GPC3: variants seen among roughly 807,000 people sequenced by gnomAD.
GPC3 encodes the protein glypican-3.
In GPC3, 3 loss-of-function variants were observed where a neutral mutation model predicts 34.4. The observed-to-expected ratio is 0.09, with a 90% confidence interval of 0.04 to 0.23. The LOEUF (loss-of-function observed/expected upper bound fraction) is 0.23, where lower values mean the gene tolerates loss of function less well. GPC3 is among the 10% of genes least tolerant of loss of function. The pLI, the probability that GPC3 is intolerant of heterozygous loss-of-function variation, is 1.00. For missense variants in GPC3, 351 were observed against 445.6 expected, an observed-to-expected ratio of 0.79 and a Z score of 1.91; for synonymous variants, 177 against 174.0, an observed-to-expected ratio of 1.02 and a Z score of -0.13.
At chrX:133,935,552 AT>A (rs1477755383) in intron 2 of GPC3, among the ~76,000 whole-genome samples, 2 of 111,448 alleles carry the variant, frequency 1.8e-5, no homozygotes, top group African/African-American at 6.5e-5. Context: ...AGCAAGATGA[AT>A]TATTTCCCTT....
chrX:133,618,042 T>C (rs1208122312), intron 6 of GPC3, among the ~76,000 whole-genome samples: 1 of 112,283 alleles, frequency 8.9e-6, no homozygotes, highest in Non-Finnish European at 1.9e-5. Context: ...TTTTCAGTAG[T>C]GCCACATAAT....
intron 2 of GPC3, among the ~76,000 whole-genome samples, chrX:133,941,284 C>G (rs2076344178): frequency 8.9e-6 from 1 of 112,626 alleles, no homozygotes; most frequent in South Asian, 3.7e-4. Context: ...CCAGGCAGAG[C>G]CTGGTGGCAG....
intron 2 of GPC3, among the ~76,000 whole-genome samples, chrX:133,786,786 G>T (rs181074576): frequency 9.0e-6 from 1 of 110,915 alleles, no homozygotes; most frequent in Non-Finnish European, 1.9e-5. Context: ...ATAAAATTCT[G>T]ATCTACTCAC....
chrX:133,821,475 T>C (rs1234315185), intron 2 of GPC3, among the ~76,000 whole-genome samples: 1 of 112,135 alleles, frequency 8.9e-6, no homozygotes, highest in Non-Finnish European at 1.9e-5. Context: ...TTCAAACTGT[T>C]GAAATATTTA....
At chrX:133,951,690 A>G (rs758139965) in intron 2 of GPC3, among the ~76,000 whole-genome samples, 1 of 112,172 alleles carries the variant, frequency 8.9e-6, no homozygotes, top group African/African-American at 3.2e-5. Flanking sequence ...TAGTCTCAAC[A>G]AACTCTTCAC....
At chrX:133,863,001 A>G (rs1306013591) in intron 2 of GPC3, among the ~76,000 whole-genome samples, 1 of 113,022 alleles carries the variant, frequency 8.8e-6, no homozygotes, top group Non-Finnish European at 1.9e-5. Flanking sequence ...CAGCACTGGG[A>G]AGGCCAAGAG....
chrX:133,584,854 T>C (rs2069770281), intron 7 of GPC3, among the ~76,000 whole-genome samples: 1 of 108,520 alleles, frequency 9.2e-6, no homozygotes, highest in African/African-American at 3.4e-5. Context: ...TAAAAGATTC[T>C]GTCTGTGCTG....
At chrX:133,942,696 C>A (rs1226724116) in intron 2 of GPC3, among the ~76,000 whole-genome samples, 1 of 107,520 alleles carries the variant, frequency 9.3e-6, no homozygotes, top group Non-Finnish European at 1.9e-5. Flanking sequence ...AAAAGAAATA[C>A]TTATTTGTGT....
At chrX:133,742,183 C>G (rs1603238004) in intron 3 of GPC3, among the ~76,000 whole-genome samples, 1 of 111,951 alleles carries the variant, frequency 8.9e-6, no homozygotes, top group Non-Finnish European at 1.9e-5. Flanking sequence ...ATGAACAGAA[C>G]AGAGCAAGGT....
chrX:133,689,940 T>C (rs1032042986), intron 5 of GPC3, among the ~76,000 whole-genome samples: 2 of 112,265 alleles, frequency 1.8e-5, no homozygotes, highest in Non-Finnish European at 3.8e-5. Flanking sequence ...AAATAGTTAT[T>C]GTTTGTATCA....
rs376910840 is a variant in GPC3 at position 133,538,186 on chromosome X, T to C, written c.1574-1893A>G. On this transcript the variant is annotated intron_variant, in intron 7 of 7. Coordinates refer to ENST00000370818, the MANE Select transcript of GPC3 (RefSeq NM_004484.4). Reference sequence around the variant, plus strand: ...AAAAGAGAAAAAGAACAAAGAGCAATGCTCTACTTGGAAATTAGACCTCTT... The same window carrying C: ...AAAAGAGAAAAAGAACAAAGAGCAACGCTCTACTTGGAAATTAGACCTCTT... Among the ~76,000 whole-genome samples, 40 of 112,190 alleles carry C rather than the reference T, an allele frequency of 3.6e-4. 5 individuals are homozygous for C. Among genetic ancestry groups the C allele is most frequent in the Admixed American group, 2.9e-3 (31 of 10,514 alleles).
intron 1 of GPC3, among the ~76,000 whole-genome samples, chrX:133,977,351 T>C (rs2076520872): frequency 8.9e-6 from 1 of 112,391 alleles, no homozygotes; most frequent in Non-Finnish European, 1.9e-5. Flanking sequence ...ACAGATAAAG[T>C]ATTTCTCTGA....
chrX:133,883,430 A>G (rs2076050419), intron 2 of GPC3, among the ~76,000 whole-genome samples: 1 of 112,061 alleles, frequency 8.9e-6, no homozygotes, highest in Non-Finnish European at 1.9e-5. Context: ...TTCTTAATAC[A>G]ACATAGTCAT....
intron 6 of GPC3, among the ~76,000 whole-genome samples, chrX:133,635,712 C>T (rs1189962769): frequency 9.1e-6 from 1 of 110,245 alleles, no homozygotes; most frequent in Non-Finnish European, 1.9e-5. Context: ...CTTCTACTTG[C>T]CAGAAGTGAG....
At chrX:133,923,127 C>T (rs181397082) in intron 2 of GPC3, among the ~76,000 whole-genome samples, 1 of 109,826 alleles carries the variant, frequency 9.1e-6, no homozygotes, top group Non-Finnish European at 1.9e-5. Flanking sequence ...CACATACACG[C>T]GTGTACACAC....
intron 3 of GPC3, among the ~76,000 whole-genome samples, chrX:133,731,720 G>A (rs1055550357): frequency 8.0e-5 from 9 of 112,271 alleles, no homozygotes; most frequent in African/African-American, 2.9e-4. Context: ...CTACTTTGCT[G>A]GTTTGTCTAC....
chrX:133,737,477 C>G (rs776673148), intron 3 of GPC3, among the ~76,000 whole-genome samples: 1 of 111,882 alleles, frequency 8.9e-6, no homozygotes, highest in African/African-American at 3.2e-5. Context: ...TAAACAAACG[C>G]TCTGTAATTT....
intron 5 of GPC3, among the ~76,000 whole-genome samples, chrX:133,686,805 T>A (rs2071008902): frequency 9.7e-6 from 1 of 103,388 alleles, no homozygotes; most frequent in African/African-American, 3.6e-5. Flanking sequence ...ACACACACAC[T>A]TGCGCCTGCA....
intron 6 of GPC3, among the ~76,000 whole-genome samples, chrX:133,659,397 G>A (rs561993632): frequency 7.7e-4 from 86 of 111,713 alleles, no homozygotes; most frequent in Middle Eastern, 9.4e-3. Context: ...TCCGCCCACA[G>A]GTCTTCACTC....
Sources: gnomAD v4.1 joint callset for allele counts (sites outside exome capture counted in the v4.1 genomes callset) on GRCh38, gnomAD v4.1.1 for gene constraint, MANE v1.5 for transcripts, NCBI Gene and HGNC (gene_info 2026-07-23, HGNC 2026-07-21) for gene names.